The following IL1R1 variants were observed in gnomAD, a reference collection of about 807,000 sequenced individuals.
IL1R1 encodes interleukin 1 receptor type 1, also known as interleukin-1 receptor type 1.
IL1R1 carries 22 observed loss-of-function variants against 50.2 expected under a neutral mutation model. That is an observed-to-expected ratio of 0.44 (90% CI 0.31 to 0.63). The LOEUF is 0.63. Among genes scored for constraint, IL1R1 ranks in the 20% least tolerant of loss-of-function variants. The pLI is 0.07. For missense variants in IL1R1, 509 were observed against 676.2 expected (o/e 0.75, Z 2.74); for synonymous variants, 251 against 236.7 (o/e 1.06, Z -0.55).
In IL1R1 at chr2:102,120,766, C is replaced by T. The variant is rs550818787; in HGVS notation, c.-84+15894C>T. 8.2e-4 allele frequency among the ~76,000 whole-genome samples: 125 copies of T among 152,330 alleles called. 4 individuals carry two copies. The South Asian group carries it at 0.023, about 28-fold the overall frequency. ...ATGTTTGTCATGTATTATCCCTCCA[C>T]GCTCTGCAGGTGGGTAGGGATTTGT... On this transcript the variant is annotated intron_variant, in intron 1 of 10. Coordinates refer to the IL1R1 transcript ENST00000409329.
At chr2:102,094,471 T>C (rs1278374466) in intron 1 of IL1R1, among the ~76,000 whole-genome samples, 1 of 152,236 alleles carries the variant, frequency 6.6e-6, no homozygotes, top group Non-Finnish European at 1.5e-5. Context: ...CTACATGAGA[T>C]ACAAGCTATT....
intron 1 of IL1R1, among the ~76,000 whole-genome samples, chr2:102,098,925 C>T (rs997047926): frequency 1.3e-5 from 2 of 152,182 alleles, no homozygotes; most frequent in Non-Finnish European, 2.9e-5. Flanking sequence ...AATACAGTTT[C>T]ACCTAACGTT....
intron 1 of IL1R1, among the ~76,000 whole-genome samples, chr2:102,131,521 C>T (rs995279075): frequency 2.0e-5 from 3 of 151,950 alleles, no homozygotes; most frequent in South Asian, 2.1e-4. Context: ...AAAATGCCTG[C>T]GTCTAACTTC....
intron 11 of IL1R1, 187 bp downstream of exon 11, chr2:102,175,832 C>T (rs1578050094): frequency 1.6e-6 from 1 of 642,014 alleles, no homozygotes; most frequent in South Asian, 1.9e-5. Context: ...TTTGTCAGAG[C>T]AATAATTAAG....
intron 1 of IL1R1, among the ~76,000 whole-genome samples, chr2:102,084,665 T>C (rs756179335): frequency 1.3e-5 from 2 of 152,216 alleles, no homozygotes; most frequent in African/African-American, 4.8e-5. Context: ...TAGTTTCTGG[T>C]TTTTGGCTAA....
At chr2:102,099,835 C>G (rs1680064349), upstream of IL1R1, among the ~76,000 whole-genome samples, 1 of 152,180 alleles carries the variant, frequency 6.6e-6, no homozygotes, top group South Asian at 2.1e-4. Context: ...GGTTAGGGAA[C>G]TAAGAATGGG....
rs1461234796 is a variant in IL1R1, at chr2:102,174,634, G to T, written c.1039G>T (p.Val347Phe). The T allele has an allele frequency of 6.2e-7, 1 of 1,611,402 alleles. No individual in the cohort carries two copies. Among genetic ancestry groups the T allele is most frequent in the Non-Finnish European group, 8.5e-7 (1 of 1,178,918 alleles). ...HMIGICVTLT[V>F]IIVCSVFIYK... is the part of the protein sequence containing the mutation. ...GATTGGTATATGTGTCACGTTGACAGTCATAATTGTGTGTTCTGTTTTCAT... is the reference window on the plus strand; with the variant it reads ...GATTGGTATATGTGTCACGTTGACATTCATAATTGTGTGTTCTGTTTTCAT... The change falls in exon 10 of 12, where the codon GTC becomes TTC. Residue 347 changes from valine (V) to phenylalanine (F), a missense_variant. Physicochemically the swap from Val to Phe is conservative, Grantham distance 50 (BLOSUM62 -1). Coordinates refer to ENST00000410023, the MANE Select transcript of IL1R1 (RefSeq NM_000877.4).
intron 1 of IL1R1, among the ~76,000 whole-genome samples, chr2:102,149,775 A>G (rs1255939924): frequency 1.3e-5 from 2 of 151,932 alleles, no homozygotes; most frequent in African/African-American, 4.8e-5. Flanking sequence ...CCCTTCCAAT[A>G]TGGAAGGGAG....
chr2:102,168,844 A>G (rs1004186658), intron 7 of IL1R1, among the ~76,000 whole-genome samples, 181 bp downstream of exon 7: 1 of 152,114 alleles, frequency 6.6e-6, no homozygotes, highest in Non-Finnish European at 1.5e-5. Flanking sequence ...TATGGCAAAC[A>G]TCTTGCCATG....
intron 1 of IL1R1, among the ~76,000 whole-genome samples, chr2:102,116,318 A>G (rs13007967): frequency 0.23 from 35,548 of 152,124 alleles, 6,303 homozygotes; most frequent in African/African-American, 0.49. Context: ...GATGGAAAGA[A>G]GTGTGGATGT....
In IL1R1 at chr2:102,165,320, A is replaced by G; in HGVS notation, c.486+16A>G. ...GTGGTATAAGGTAATTTTATTTTAA[A>G]TATGACATTTCACTTTTCCAGAAAA... On this transcript the variant is annotated intron_variant, in intron 5 of 11. Transcript: ENST00000410023. The G allele has an allele frequency of 7.2e-7, 1 of 1,383,780 alleles. No homozygotes were observed. Among genetic ancestry groups the G allele is most frequent in the Non-Finnish European group, 9.9e-7 (1 of 1,014,300 alleles). 85.7% of individuals were successfully genotyped at this position (1,383,780 alleles called of 1,614,324 possible).
At chr2:102,077,996 A>G (rs12712125) in intron 1 of IL1R1, among the ~76,000 whole-genome samples, 27,674 of 152,144 alleles carry the variant, frequency 0.18, 3,038 homozygotes, top group East Asian at 0.53. Context: ...AGAAATTAAA[A>G]GAGAAATTAA....
intron 1 of IL1R1, among the ~76,000 whole-genome samples, chr2:102,131,709 G>C (rs916634447): frequency 2.0e-5 from 3 of 151,970 alleles, no homozygotes; most frequent in Non-Finnish European, 2.9e-5. Flanking sequence ...CGAAACGGTG[G>C]GAAAATTTCA....
At chr2:102,173,082 C>T (rs1168476698) in intron 9 of IL1R1, among the ~76,000 whole-genome samples, 9 of 152,196 alleles carry the variant, frequency 5.9e-5, no homozygotes, top group Non-Finnish European at 1.0e-4. Flanking sequence ...GTATGTACTT[C>T]TGTAGCACCA....
chr2:102,093,895 C>T (rs992153), intron 1 of IL1R1, among the ~76,000 whole-genome samples: 43,655 of 152,016 alleles, frequency 0.29, 7,125 homozygotes, highest in Non-Finnish European at 0.35. Context: ...GGCATCCCCG[C>T]GGGACCAGTC....
chr2:102,110,052 G>A (rs12987741), intron 1 of IL1R1, among the ~76,000 whole-genome samples: 42,546 of 151,992 alleles, frequency 0.28, 6,847 homozygotes, highest in African/African-American at 0.45. Context: ...TTTGCTTTTG[G>A]AGTGGTAACA....
chr2:102,093,061 AC>A (rs1239589020), intron 1 of IL1R1, among the ~76,000 whole-genome samples: 1 of 152,202 alleles, frequency 6.6e-6, no homozygotes, highest in African/African-American at 2.4e-5. Flanking sequence ...ACTTGTTTCC[AC>A]TTTTGTTCAT....
At chr2:102,145,722 G>A (rs1683060992) in intron 1 of IL1R1, among the ~76,000 whole-genome samples, 1 of 152,218 alleles carries the variant, frequency 6.6e-6, no homozygotes, top group African/African-American at 2.4e-5. Flanking sequence ...GGCCGTGAAT[G>A]TGGAGGGAAG....
chr2:102,163,663 T>C (rs1338451516), intron 3 of IL1R1, among the ~76,000 whole-genome samples: 1 of 152,240 alleles, frequency 6.6e-6, no homozygotes, highest in Non-Finnish European at 1.5e-5. Context: ...TTAAATTTAT[T>C]AGGCCTATTG....
Sources: allele counts gnomAD v4.1 joint callset (sites outside exome capture counted in the v4.1 genomes callset), GRCh38; gene constraint gnomAD v4.1.1; transcripts MANE v1.5; gene names NCBI Gene and HGNC (gene_info 2026-07-23, HGNC 2026-07-21).